Variants in FSTL4 observed in about 807,000 individuals in gnomAD.
The protein encoded by FSTL4 is follistatin like 4, also known as follistatin-related protein 4.
In FSTL4, 28 loss-of-function variants were observed where a neutral mutation model predicts 78.2. The ratio of observed to expected loss-of-function variants is 0.36; its 90% CI spans 0.27 to 0.49. FSTL4 has a LOEUF of 0.49. FSTL4 is among the 20% of genes least tolerant of loss of function. The pLI, the probability that FSTL4 is intolerant of heterozygous loss-of-function variation, is 0.98. For synonymous variants in FSTL4, 422 were observed against 440.5 expected (o/e 0.96, Z 0.53); for missense variants, 922 against 1,084.9 (o/e 0.85, Z 2.11).
chr5:133,818,351 A>G, the FSTL4 span, among the ~76,000 whole-genome samples: 1 of 152,190 alleles, frequency 6.6e-6, no homozygotes, highest in Non-Finnish European at 1.5e-5. Context: ...GCAGGCCAGT[A>G]CTGAAGGCCT....
At chr5:133,632,156 G>T in the FSTL4 span, among the ~76,000 whole-genome samples, 1 of 151,952 alleles carries the variant, frequency 6.6e-6, no homozygotes, top group Non-Finnish European at 1.5e-5. Context: ...TAATTAAAAA[G>T]AATTATATCA....
intron 3 of FSTL4, among the ~76,000 whole-genome samples, chr5:133,432,269 A>G (rs1298368862): frequency 6.6e-6 from 1 of 152,234 alleles, no homozygotes; most frequent in Non-Finnish European, 1.5e-5. Flanking sequence ...GTCCAGGACC[A>G]ATGGTCTTTT....
At chr5:133,636,431 C>T in the FSTL4 span, among the ~76,000 whole-genome samples, 4 of 152,128 alleles carry the variant, frequency 2.6e-5, no homozygotes, top group African/African-American at 9.7e-5. Flanking sequence ...TGTCTAAACC[C>T]CTTGGTGTCC....
chr5:133,768,559 C>T, the FSTL4 span, among the ~76,000 whole-genome samples: 1 of 152,172 alleles, frequency 6.6e-6, no homozygotes, highest in South Asian at 2.1e-4. Flanking sequence ...ATGAAATTTT[C>T]CCTATACTTT....
intron 4 of FSTL4, among the ~76,000 whole-genome samples, chr5:133,396,587 C>A (rs1756053687): frequency 1.3e-5 from 2 of 152,166 alleles, no homozygotes; most frequent in Non-Finnish European, 2.9e-5. Flanking sequence ...GCTGACAAAG[C>A]TGGGGATGTA....
At chr5:133,637,100 T>C in the FSTL4 span, among the ~76,000 whole-genome samples, 1 of 152,142 alleles carries the variant, frequency 6.6e-6, no homozygotes, top group Non-Finnish European at 1.5e-5. Flanking sequence ...TATTCTGTAG[T>C]GGTGTAACAA....
chr5:133,589,620 C>T (rs1006176369), intron 2 of FSTL4, among the ~76,000 whole-genome samples: 1 of 152,086 alleles, frequency 6.6e-6, no homozygotes, highest in African/African-American at 2.4e-5. Context: ...TCATCTCTCC[C>T]CACAGAAGGT....
At chr5:133,421,683 G>T (rs1172092867) in intron 3 of FSTL4, among the ~76,000 whole-genome samples, 1 of 152,218 alleles carries the variant, frequency 6.6e-6, no homozygotes, top group African/African-American at 2.4e-5. Context: ...AGGATAACAA[G>T]TGAGCCCATC....
In FSTL4 at chr5:133,462,463, G is replaced by A. The variant is rs551057343; in HGVS notation, c.161-61477C>T. Among the ~76,000 whole-genome samples, 4 of 152,350 alleles carry A rather than the reference G, an allele frequency of 2.6e-5. No homozygotes were observed. The South Asian group carries it at 8.3e-4, about 32-fold the overall frequency. ...CATTAACACTCAACTCTGTGGCCCA[G>A]AATTCAATTCAACTCAAGTGGACTC... On this transcript the variant is annotated intron_variant, in intron 3 of 15. Coordinates refer to ENST00000265342, the MANE Select transcript of FSTL4 (RefSeq NM_015082.2).
Position 133,233,568 on chromosome 5 carries a change from GCC to G in FSTL4, c.895-33_895-32del, listed in dbSNP as rs1751564547. 3 of 1,611,562 alleles carry G rather than the reference GCC, an allele frequency of 1.9e-6. No individual in the cohort carries two copies. The African/African-American group carries it at 4.0e-5, about 22-fold the overall frequency. ...CAGGGCAAAGATGACGATGAGACTGGCCTCTTTATTGAACGGGCTGGAAACCA... is the reference window on the plus strand; with the variant it reads ...CAGGGCAAAGATGACGATGAGACTGGTCTTTATTGAACGGGCTGGAAACCA... On this transcript the variant is annotated intron_variant, in intron 7 of 15. Transcript: ENST00000265342.
chr5:133,835,995 T>C, the FSTL4 span, among the ~76,000 whole-genome samples: 2 of 152,218 alleles, frequency 1.3e-5, no homozygotes, highest in Admixed American at 1.3e-4. Context: ...CCTCTATACA[T>C]TGTGCCTCCG....
At chr5:133,237,643 G>A (rs1024124220) in intron 7 of FSTL4, among the ~76,000 whole-genome samples, 2 of 152,164 alleles carry the variant, frequency 1.3e-5, no homozygotes, top group Non-Finnish European at 2.9e-5. Context: ...AGAACAAAGC[G>A]CATATTGTTT....
At chr5:133,799,692 C>T in the FSTL4 span, among the ~76,000 whole-genome samples, 5 of 139,196 alleles carry the variant, frequency 3.6e-5, 2 homozygotes, top group African/African-American at 5.3e-5. Context: ...ATCTCTCTCC[C>T]AGGCTGCAGC....
At chr5:133,466,895 AGTGT>A (rs370779484) in intron 3 of FSTL4, among the ~76,000 whole-genome samples, 24 of 150,644 alleles carry the variant, frequency 1.6e-4, no homozygotes, top group Non-Finnish European at 2.2e-4. Flanking sequence ...TGTCAGTGTG[AGTGT>A]GTGTGTGTGT....
chr5:133,447,183 C>CA (rs1436292102), intron 3 of FSTL4, among the ~76,000 whole-genome samples: 1 of 152,208 alleles, frequency 6.6e-6, no homozygotes, highest in Non-Finnish European at 1.5e-5. Context: ...GGTGAGGTGT[C>CA]ACCACCAGCC....
At chr5:133,789,742 T>G in the FSTL4 span, among the ~76,000 whole-genome samples, 1 of 152,180 alleles carries the variant, frequency 6.6e-6, no homozygotes, top group Non-Finnish European at 1.5e-5. Flanking sequence ...GTCAAGGGCA[T>G]TCATCCAGGC....
intron 6 of FSTL4, among the ~76,000 whole-genome samples, chr5:133,270,733 G>A (rs1246566697): frequency 6.6e-6 from 1 of 152,150 alleles, no homozygotes; most frequent in Non-Finnish European, 1.5e-5. Flanking sequence ...TGACAATGCG[G>A]GGACTGGGAT....
At chr5:133,488,902 G>A (rs1580741473) in intron 3 of FSTL4, among the ~76,000 whole-genome samples, 1 of 152,086 alleles carries the variant, frequency 6.6e-6, no homozygotes, top group South Asian at 2.1e-4. Flanking sequence ...GAGACTGCCC[G>A]TGAGAGATTC....
chr5:133,459,585 C>A (rs527714910), intron 3 of FSTL4, among the ~76,000 whole-genome samples: 1 of 152,178 alleles, frequency 6.6e-6, no homozygotes, highest in Non-Finnish European at 1.5e-5. Context: ...TATCAAACAT[C>A]TGCAGAGGAG....
Sources: gnomAD v4.1 joint callset for allele counts (sites outside exome capture counted in the v4.1 genomes callset) on GRCh38, gnomAD v4.1.1 for gene constraint, MANE v1.5 for transcripts, NCBI Gene and HGNC (gene_info 2026-07-23, HGNC 2026-07-21) for gene names.